NRCAM: variants seen among roughly 807,000 people sequenced by gnomAD.
NRCAM encodes NgCAM-related cell adhesion molecule.
NRCAM carries 83 observed loss-of-function variants against 156.5 expected under a neutral mutation model. The observed-to-expected ratio is 0.53, with a 90% CI of 0.44 to 0.64. NRCAM has a LOEUF of 0.64. NRCAM is among the 30% of genes least tolerant of loss of function. NRCAM has a pLI of 0.00. For synonymous variants in NRCAM, 538 were observed against 563.9 expected (o/e 0.95, Z 0.65); for missense variants, 1,417 against 1,597.3 (o/e 0.89, Z 1.92).
chr7:108,389,672 G>T (rs1281029096), intron 2 of NRCAM, among the ~76,000 whole-genome samples: 1 of 152,186 alleles, frequency 6.6e-6, no homozygotes, highest in African/African-American at 2.4e-5. Flanking sequence ...TGTCCATTCA[G>T]TATGATATTG....
intron 3 of NRCAM, among the ~76,000 whole-genome samples, chr7:108,260,384 T>A (rs2096847567): frequency 6.6e-6 from 1 of 152,182 alleles, no homozygotes; most frequent in Admixed American, 6.5e-5. Context: ...AATGGGTTGT[T>A]ATTTTATCAG....
At chr7:108,275,208 C>T (rs1269667) in intron 3 of NRCAM, among the ~76,000 whole-genome samples, 90,167 of 151,950 alleles carry the variant, frequency 0.59, 28,133 homozygotes, top group East Asian at 0.94. Context: ...TCTTTTTTTG[C>T]TGTGTCTCTG....
intron 2 of NRCAM, among the ~76,000 whole-genome samples, chr7:108,394,580 A>G (rs2099771745): frequency 6.6e-6 from 1 of 152,180 alleles, no homozygotes; most frequent in African/African-American, 2.4e-5. Flanking sequence ...TACTAATATG[A>G]TGACACTAAA....
chr7:108,237,727 T>C, intron 5 of NRCAM, 25 bp downstream of exon 5: 1 of 1,565,310 alleles, frequency 6.4e-7, no homozygotes, highest in Non-Finnish European at 8.7e-7. Flanking sequence ...TCACACTGCC[T>C]AGTAATTTAT....
intron 3 of NRCAM, among the ~76,000 whole-genome samples, chr7:108,253,399 T>A (rs2096470658): frequency 6.6e-6 from 1 of 152,166 alleles, no homozygotes; most frequent in Non-Finnish European, 1.5e-5. Context: ...AGCTCTACCT[T>A]GCCCTGGAAG....
chr7:108,215,262 G>C (rs1563488632), intron 11 of NRCAM, among the ~76,000 whole-genome samples: 1 of 148,836 alleles, frequency 6.7e-6, no homozygotes, highest in South Asian at 2.2e-4. Context: ...ACCCAGGCTG[G>C]AGTGCAGTGG....
intron 2 of NRCAM, among the ~76,000 whole-genome samples, chr7:108,358,904 A>G (rs1273650528): frequency 6.6e-6 from 1 of 152,216 alleles, no homozygotes; most frequent in African/African-American, 2.4e-5. Context: ...ATGACTTAAC[A>G]GATTGCATGA....
chr7:108,154,781 C>T (rs1453859896), intron 32 of NRCAM, among the ~76,000 whole-genome samples: 2 of 152,084 alleles, frequency 1.3e-5, no homozygotes, highest in Admixed American at 6.6e-5. Context: ...AACAAGCATA[C>T]ATGTCCATCT....
chr7:108,384,597 C>G (rs925730644), intron 2 of NRCAM, among the ~76,000 whole-genome samples: 2 of 152,122 alleles, frequency 1.3e-5, no homozygotes, highest in African/African-American at 2.4e-5. Flanking sequence ...ATGTTTTTAC[C>G]TCTGGTGCTT....
At chr7:108,379,086 T>G (rs562363179) in intron 2 of NRCAM, among the ~76,000 whole-genome samples, 1 of 152,204 alleles carries the variant, frequency 6.6e-6, no homozygotes, top group African/African-American at 2.4e-5. Flanking sequence ...TTCAAAATAC[T>G]AAGTTCAATC....
chr7:108,304,599 A>C (rs561318034), intron 3 of NRCAM, among the ~76,000 whole-genome samples: 1 of 152,284 alleles, frequency 6.6e-6, no homozygotes, highest in East Asian at 1.9e-4. Context: ...GATTCCATAA[A>C]TTAGTATCTT....
At chr7:108,241,271 C>T (rs185521464) in intron 3 of NRCAM, among the ~76,000 whole-genome samples, 1 of 152,322 alleles carries the variant, frequency 6.6e-6, no homozygotes, top group Admixed American at 6.5e-5. Context: ...CCTCTCCCAA[C>T]ACCTAATACA....
At chr7:108,348,288 G>C (rs2099384666) in intron 2 of NRCAM, among the ~76,000 whole-genome samples, 2 of 152,126 alleles carry the variant, frequency 1.3e-5, no homozygotes, top group South Asian at 4.2e-4. Flanking sequence ...TTTCAGAGGA[G>C]GGGCAGAGCC....
chr7:108,159,631 T>A, intron 31 of NRCAM, 90 bp from the exon 32 acceptor site: 1 of 916,364 alleles, frequency 1.1e-6, no homozygotes, highest in Non-Finnish European at 1.8e-6. Context: ...TATACAGCAG[T>A]GAAAAATAAT....
At chr7:108,434,413 A>T (rs1434096090) in intron 1 of NRCAM, among the ~76,000 whole-genome samples, 3 of 152,222 alleles carry the variant, frequency 2.0e-5, no homozygotes, top group Non-Finnish European at 2.9e-5. Flanking sequence ...AGAGAGTTCC[A>T]GCAGGTAAAC....
At chr7:108,312,118 G>A (rs1181370132) in intron 3 of NRCAM, among the ~76,000 whole-genome samples, 2 of 152,070 alleles carry the variant, frequency 1.3e-5, no homozygotes, top group African/African-American at 2.4e-5. Flanking sequence ...GGCGGACAGC[G>A]GGGTAGGAAA....
intron 2 of NRCAM, among the ~76,000 whole-genome samples, chr7:108,363,853 G>A (rs776332387): frequency 2.0e-5 from 3 of 152,084 alleles, no homozygotes; most frequent in Admixed American, 6.5e-5. Flanking sequence ...CCTCAAAACT[G>A]TCAAGGTCAT....
In NRCAM at chr7:108,168,382, T is replaced by C. The variant is rs2056229140; in HGVS notation, c.3208A>G (p.Ile1070Val). The change falls in exon 29 of 33, where the codon ATC becomes GTC. Residue 1070 changes from isoleucine (I) to valine (V), a missense_variant. By Grantham distance (29) the Ile-to-Val change is conservative. This residue lies in a region of NRCAM where 1,238 missense variants were observed against 1,336.4 expected (regional missense o/e 0.93). Transcript: ENST00000379028. ...AGKVQAVNPR[I>V]SNLTAAAAET... ...GCAGCTGCAGCAGTAAGATTGCTGATCCTGGGATTTACTGCTTGAACTAAA... is the reference window on the plus strand; with the variant it reads ...GCAGCTGCAGCAGTAAGATTGCTGACCCTGGGATTTACTGCTTGAACTAAA... 6.2e-7 allele frequency: 1 copy of C among 1,605,490 alleles called. No individual in the cohort carries two copies. Among genetic ancestry groups the C allele is most frequent in the Non-Finnish European group, 8.5e-7 (1 of 1,176,842 alleles).
At chr7:108,319,079 A>G (rs975659912) in intron 2 of NRCAM, among the ~76,000 whole-genome samples, 4 of 152,214 alleles carry the variant, frequency 2.6e-5, no homozygotes, top group African/African-American at 9.6e-5. Context: ...TCACACAACA[A>G]TATAAATGTA....
Sources: gnomAD v4.1 joint callset for allele counts (sites outside exome capture counted in the v4.1 genomes callset) on GRCh38, gnomAD v4.1.1 for gene constraint, gnomAD v4.1.1 regional missense constraint, MANE v1.5 for transcripts, NCBI Gene and HGNC (gene_info 2026-07-23, HGNC 2026-07-21) for gene names.